Variants in XYLT1 observed in about 807,000 individuals in gnomAD.
The protein encoded by XYLT1 is beta-D-xylosyltransferase 1.
A neutral mutation model predicts 91.3 loss-of-function variants in XYLT1; 36 were observed. That is an observed-to-expected ratio of 0.39 (90% CI 0.30 to 0.52). The LOEUF is 0.52. Among genes scored for constraint, XYLT1 ranks in the 20% least tolerant of loss-of-function variants. The probability of loss-of-function intolerance (pLI) is 0.68; values close to 1 mark genes in which losing one functional copy is unlikely to be tolerated. For missense variants in XYLT1, 1,242 were observed against 1,284.5 expected (o/e 0.97, Z 0.51); for synonymous variants, 588 against 532.0 (o/e 1.11, Z -1.45).
In XYLT1 at chr16:17,200,473, G is replaced by C. The variant is rs201801185; in HGVS notation, c.1086+9C>G. 1.7e-5 allele frequency: 28 copies of C among 1,608,386 alleles called. No individual in the cohort carries two copies. Among genetic ancestry groups the C allele is most frequent in the Middle Eastern group, 1.7e-4 (1 of 6,034 alleles). On this transcript the variant is annotated intron_variant, in intron 4 of 11. Transcript: ENST00000261381. ...AGCCCAGCAAGGGGTGATCACAGAG[G>C]CCTCTCACCTTGTCCACGTGGATGT...
intron 1 of XYLT1, among the ~76,000 whole-genome samples, chr16:17,441,463 C>G (rs1567204219): frequency 6.6e-6 from 1 of 152,136 alleles, no homozygotes; most frequent in Non-Finnish European, 1.5e-5. Flanking sequence ...CTCTTACAGT[C>G]ACAGGCAGTG....
chr16:17,410,566 G>A (rs936681047), intron 1 of XYLT1, among the ~76,000 whole-genome samples: 2 of 151,496 alleles, frequency 1.3e-5, no homozygotes, highest in South Asian at 2.1e-4. Flanking sequence ...TTCCTCCCAC[G>A]ACATATGGGA....
Position 17,248,570 on chromosome 16 carries a change from T to C in XYLT1, c.913+10418A>G, listed in dbSNP as rs78306878. Among the ~76,000 whole-genome samples, 695 of 152,202 alleles carry C rather than the reference T, an allele frequency of 4.6e-3. 3 individuals carry two copies. The highest frequency in any genetic ancestry group is 7.6e-3 in the Non-Finnish European group (517 of 68,016). On this transcript the variant is annotated intron_variant, in intron 3 of 11. Transcript: ENST00000261381. ...TCCCCTGTTGGTCTTGTGAGTGTTTTAAACTATCAACACCTCTGCCTACCC... is the reference window on the plus strand; with the variant it reads ...TCCCCTGTTGGTCTTGTGAGTGTTTCAAACTATCAACACCTCTGCCTACCC...
intron 1 of XYLT1, among the ~76,000 whole-genome samples, chr16:17,361,621 C>T (rs986559067): frequency 6.6e-6 from 1 of 152,210 alleles, no homozygotes; most frequent in Non-Finnish European, 1.5e-5. Context: ...TCTATTATTA[C>T]ATCAAGCAAG....
chr16:17,127,747 A>G lies in XYLT1; in HGVS notation c.2142T>C (p.Thr714=), dbSNP rs1448713365. The G allele has an allele frequency of 6.2e-7, 1 of 1,614,154 alleles. No individual in the cohort carries two copies. The change falls in exon 10 of 12, where the codon ACT becomes ACC. Residue 714 remains threonine, a synonymous_variant. Transcript: ENST00000261381. ...ATNLAVSKLE[T]LETWVMPKKV... is the part of the protein sequence containing the mutation. The stretch of plus-strand genomic sequence containing the variant: ...TTTTCGGCATCACCCAGGTCTCCAG[A>G]GTCTCTAGTTTGCTCACAGCCAGAT...
intron 3 of XYLT1, among the ~76,000 whole-genome samples, chr16:17,235,045 A>G (rs2033225762): frequency 2.0e-5 from 3 of 152,028 alleles, no homozygotes; most frequent in Admixed American, 6.6e-5. Context: ...TTATGAGAAA[A>G]TGGGAAAACT....
At chr16:17,401,219 C>A (rs112338315) in intron 1 of XYLT1, among the ~76,000 whole-genome samples, 1 of 152,054 alleles carries the variant, frequency 6.6e-6, no homozygotes, top group Non-Finnish European at 1.5e-5. Flanking sequence ...GGAAAAGGGA[C>A]GAGGAAGCAA....
rs144423897 is a variant in XYLT1, at chr16:17,259,355, C to T, written c.546G>A (p.Ala182=). Residue 182 remains alanine (A), a synonymous_variant, in exon 3 of 12, where the codon GCG becomes GCA. Coordinates refer to ENST00000261381, the MANE Select transcript of XYLT1 (RefSeq NM_022166.4). The part of the protein sequence containing the change: ...TQKQKHQPEL[A]KKPPSRQKEL... Reference sequence around the variant, plus strand: ...CCTTCTGTCTACTCGGTGGCTTCTTCGCCAACTCAGGCTGGTGCTTCTGCT... The same window carrying T: ...CCTTCTGTCTACTCGGTGGCTTCTTTGCCAACTCAGGCTGGTGCTTCTGCT... 4.2e-5 allele frequency: 67 copies of T among 1,614,162 alleles called. No individual in the cohort carries two copies. The highest frequency in any genetic ancestry group is 3.9e-4 in the African/African-American group (29 of 75,030).
At chr16:17,360,868 C>T (rs1386601327) in intron 1 of XYLT1, among the ~76,000 whole-genome samples, 1 of 152,178 alleles carries the variant, frequency 6.6e-6, no homozygotes, top group Non-Finnish European at 1.5e-5. Context: ...TTGCAATGTG[C>T]GTGCACGCTA....
intron 1 of XYLT1, chr16:17,403,397 T>C (rs541910368): frequency 6.6e-6 from 1 of 152,382 alleles, no homozygotes; most frequent in South Asian, 2.1e-4. Context: ...GATAAAGACA[T>C]ACCAGAGACT....
chr16:17,443,017 T>C (rs2036550383), intron 1 of XYLT1, among the ~76,000 whole-genome samples: 2 of 152,192 alleles, frequency 1.3e-5, no homozygotes, highest in African/African-American at 4.8e-5. Flanking sequence ...GCTCAGCATT[T>C]GAGGACTGGA....
chr16:17,368,005 C>T (rs2035476839), intron 1 of XYLT1, among the ~76,000 whole-genome samples: 1 of 152,214 alleles, frequency 6.6e-6, no homozygotes, highest in Admixed American at 6.5e-5. Context: ...TCACTTCCTC[C>T]TCTTTTGCTC....
chr16:17,393,858 C>T lies in XYLT1; in HGVS notation c.364-35808G>A, dbSNP rs549402689. On this transcript the variant is annotated intron_variant, in intron 1 of 11. Coordinates refer to ENST00000261381, the MANE Select transcript of XYLT1 (RefSeq NM_022166.4). ...TGGCGCCATCTTGGCTCACTGCAAG[C>T]TCCGCCTCCTGGGTTCACACCATTC... Among the ~76,000 whole-genome samples the T allele has an allele frequency of 7.9e-5, 12 of 152,172 alleles. No homozygotes were observed. The South Asian group carries it at 2.5e-3, about 32-fold the overall frequency.
intron 6 of XYLT1, among the ~76,000 whole-genome samples, chr16:17,146,560 G>A (rs1169491899): frequency 6.6e-6 from 1 of 152,164 alleles, no homozygotes; most frequent in East Asian, 1.9e-4. Flanking sequence ...GATGAAATTA[G>A]CAGAGAAGTG....
intron 5 of XYLT1, among the ~76,000 whole-genome samples, chr16:17,182,081 C>T (rs928453427): frequency 6.6e-6 from 1 of 152,160 alleles, no homozygotes; most frequent in Non-Finnish European, 1.5e-5. Flanking sequence ...TTTTACCGCT[C>T]CCTGATGGGT....
Position 17,236,714 on chromosome 16 carries a change from C to T in XYLT1, c.913+22274G>A, listed in dbSNP as rs536299680. On this transcript the variant is annotated intron_variant, in intron 3 of 11. Coordinates refer to ENST00000261381, the MANE Select transcript of XYLT1 (RefSeq NM_022166.4). The stretch of plus-strand genomic sequence containing the variant: ...TTTCTTCTGGCTCCTAGGGAATTGC[C>T]GGTAATTCATGTTCCTTGGCCTTGA... Among the ~76,000 whole-genome samples, 17 of 152,266 alleles carry T rather than the reference C, an allele frequency of 1.1e-4. No homozygotes were observed. The East Asian group carries it at 1.2e-3, about 10-fold the overall frequency.
intron 1 of XYLT1, among the ~76,000 whole-genome samples, chr16:17,381,499 G>A (rs1417214588): frequency 6.9e-6 from 1 of 144,538 alleles, no homozygotes; most frequent in African/African-American, 2.7e-5. Context: ...GCATGATCTC[G>A]GCTCACTGCA....
At chr16:17,180,536 A>G (rs575309373) in intron 5 of XYLT1, among the ~76,000 whole-genome samples, 1 of 152,254 alleles carries the variant, frequency 6.6e-6, no homozygotes, top group South Asian at 2.1e-4. Flanking sequence ...ACTGAGGAGA[A>G]TCCCTCCCTG....
chr16:17,400,031 G>A (rs1334940724), intron 1 of XYLT1, among the ~76,000 whole-genome samples: 1 of 152,200 alleles, frequency 6.6e-6, no homozygotes, highest in African/African-American at 2.4e-5. Context: ...GCAGCCATCA[G>A]GCTAACTGGC....
Sources: gnomAD v4.1 joint callset for allele counts (sites outside exome capture counted in the v4.1 genomes callset) on GRCh38, gnomAD v4.1.1 for gene constraint, MANE v1.5 for transcripts, NCBI Gene and HGNC (gene_info 2026-07-23, HGNC 2026-07-21) for gene names.